The following PGM2 variants were observed in gnomAD, a reference collection of about 807,000 sequenced individuals.
PGM2 encodes the protein phosphopentomutase.
PGM2 carries 57 observed loss-of-function variants against 74.6 expected under a neutral mutation model. The observed-to-expected ratio is 0.76, with a 90% CI of 0.62 to 0.95. The LOEUF is 0.95. Ranked by LOEUF, PGM2 falls within the 40% of genes least tolerant of loss-of-function variation. The probability of loss-of-function intolerance (pLI) is 0.00; values close to 1 mark genes in which losing one functional copy is unlikely to be tolerated. For synonymous variants in PGM2, 273 were observed against 260.7 expected, an observed-to-expected ratio of 1.05 and a Z score of -0.46; for missense variants, 706 against 741.9, an observed-to-expected ratio of 0.95 and a Z score of 0.56.
At chr4:37,853,348 G>A (rs905925950) in intron 12 of PGM2, among the ~76,000 whole-genome samples, 2 of 131,440 alleles carry the variant, frequency 1.5e-5, no homozygotes, top group African/African-American at 5.8e-5. Flanking sequence ...GTGTTGCCCA[G>A]GGTGATATTC....
Position 37,855,014 on chromosome 4 carries a change from A to T in PGM2, c.1603-594A>T, listed in dbSNP as rs922649193. 6.6e-5 allele frequency among the ~76,000 whole-genome samples: 10 copies of T among 152,382 alleles called. No homozygotes were observed. The East Asian group carries it at 1.9e-3, about 29-fold the overall frequency. ...AGTTAATTAGAATGTGTTACCTCAC[A>T]TATTGATCATGTATTTGTAGTGAGA... On this transcript the variant is annotated intron_variant, in intron 12 of 13. Transcript: ENST00000381967.
chr4:37,830,202 T>G (rs1023554474), intron 2 of PGM2, 71 bp downstream of exon 2: 2 of 1,086,112 alleles, frequency 1.8e-6, no homozygotes, highest in Non-Finnish European at 2.5e-6. Flanking sequence ...GCAGACCTAA[T>G]TTATTCTAAT....
chr4:37,847,439 A>G, intron 10 of PGM2, 144 bp downstream of exon 10: 1 of 600,258 alleles, frequency 1.7e-6, no homozygotes, highest in South Asian at 2.0e-5. Context: ...CTACTCCAAA[A>G]TTGACATCTC....
intron 10 of PGM2, 53 bp downstream of exon 10, chr4:37,847,348 G>A: frequency 2.3e-6 from 3 of 1,305,700 alleles, no homozygotes; most frequent in Non-Finnish European, 2.2e-6. Flanking sequence ...AAAGGAAAAG[G>A]TTTGGATTGG....
At chr4:37,860,538 T>C (rs1711738177) in intron 13 of PGM2, among the ~76,000 whole-genome samples, 1 of 152,250 alleles carries the variant, frequency 6.6e-6, no homozygotes, top group African/African-American at 2.4e-5. Flanking sequence ...AGAATTAATG[T>C]CTACAATGAA....
chr4:37,830,965 A>G (rs1725426650), intron 2 of PGM2, among the ~76,000 whole-genome samples: 1 of 152,078 alleles, frequency 6.6e-6, no homozygotes, highest in African/African-American at 2.4e-5. Context: ...AGGCTGAGCC[A>G]GGCAGATCAC....
rs149606316 is a variant in PGM2, at chr4:37,851,394, G to A, written c.1602+1021G>A. Among the ~76,000 whole-genome samples, 23 of 152,380 alleles carry A rather than the reference G, an allele frequency of 1.5e-4. No homozygotes were observed. In the East Asian group the frequency reaches 3.9e-3, roughly 26 times the overall value. On this transcript the variant is annotated intron_variant, in intron 12 of 13. Coordinates refer to ENST00000381967, the MANE Select transcript of PGM2 (RefSeq NM_018290.4). The stretch of plus-strand genomic sequence containing the variant: ...TCTGAGTGTATTGGAGCTGTTGGCT[G>A]TAAAGCCTGAGTTTGCATTCTTTAC...
At chr4:37,839,623 T>G in intron 4 of PGM2, 1 of 656,548 alleles carries the variant, frequency 1.5e-6, no homozygotes, top group Non-Finnish European at 2.8e-6. Flanking sequence ...CTGAGGAAAT[T>G]ACTCACCTTT....
At chr4:37,832,076 G>T (rs1330593694) in intron 2 of PGM2, among the ~76,000 whole-genome samples, 3 of 152,100 alleles carry the variant, frequency 2.0e-5, no homozygotes, top group African/African-American at 7.2e-5. Context: ...CTCCTCTGGG[G>T]GTAAACCCTG....
intron 6 of PGM2, among the ~76,000 whole-genome samples, chr4:37,841,878 G>A (rs940316768): frequency 2.0e-5 from 3 of 152,220 alleles, no homozygotes; most frequent in Non-Finnish European, 2.9e-5. Context: ...ATGTGTATCC[G>A]TAAGGTAACT....
chr4:37,847,856 C>T (rs985297174), intron 10 of PGM2, among the ~76,000 whole-genome samples: 3 of 152,210 alleles, frequency 2.0e-5, no homozygotes, highest in African/African-American at 7.2e-5. Flanking sequence ...TTGTACCAAA[C>T]GCTTTTAGCT....
At chr4:37,830,977 TGAG>T (rs550588474) in intron 2 of PGM2, among the ~76,000 whole-genome samples, 90 of 152,078 alleles carry the variant, frequency 5.9e-4, no homozygotes, top group Non-Finnish European at 1.1e-3. Flanking sequence ...GCAGATCACT[TGAG>T]CCTAGGAGTT....
chr4:37,853,900 C>T (rs947851712), intron 12 of PGM2, among the ~76,000 whole-genome samples: 15 of 152,204 alleles, frequency 9.9e-5, no homozygotes, highest in South Asian at 6.2e-4. Flanking sequence ...GGTTCTGTGA[C>T]GGTGTGGGCT....
intron 2 of PGM2, 65 bp downstream of exon 2, chr4:37,830,196 A>G: frequency 8.5e-7 from 1 of 1,175,114 alleles, no homozygotes; most frequent in African/African-American, 1.5e-5. Context: ...TATTTGGCAG[A>G]CCTAATTTAT....
At chr4:37,841,156 A>G (rs914467536) in intron 6 of PGM2, among the ~76,000 whole-genome samples, 1 of 26,162 alleles carries the variant, frequency 3.8e-5, no homozygotes, top group African/African-American at 3.3e-4. Flanking sequence ...AAATAGGAAT[A>G]TTTGTGTGTG....
chr4:37,828,206 A>G (rs1263009574), intron 1 of PGM2, among the ~76,000 whole-genome samples: 1 of 152,026 alleles, frequency 6.6e-6, no homozygotes, highest in African/African-American at 2.4e-5. Flanking sequence ...GATAACTTGT[A>G]GCTTGCAGAG....
chr4:37,840,365 C>T (rs557740142), intron 6 of PGM2, 106 bp downstream of exon 6: 3 of 670,596 alleles, frequency 4.5e-6, no homozygotes, highest in Admixed American at 5.1e-5. Context: ...TGTACTACAG[C>T]TGCATCTGAT....
intron 2 of PGM2, 137 bp from the exon 3 acceptor site, chr4:37,834,481 T>A (rs1349978476): frequency 1.9e-6 from 1 of 518,626 alleles, no homozygotes; most frequent in African/African-American, 2.0e-5. Flanking sequence ...GTTTGCTTCC[T>A]TACTGAGATG....
At chr4:37,853,254 C>T (rs1370096471) in intron 12 of PGM2, among the ~76,000 whole-genome samples, 1 of 152,122 alleles carries the variant, frequency 6.6e-6, no homozygotes, top group Non-Finnish European at 1.5e-5. Context: ...CCTCCTGCTT[C>T]AGCCTCCTGA....
Sources: allele counts gnomAD v4.1 joint callset (sites outside exome capture counted in the v4.1 genomes callset), GRCh38; gene constraint gnomAD v4.1.1; transcripts MANE v1.5; gene names NCBI Gene and HGNC (gene_info 2026-07-23, HGNC 2026-07-21).